Variants in MLLT10 observed in about 807,000 individuals in gnomAD.
MLLT10 encodes protein AF-10.
Under a neutral mutation model 129.1 loss-of-function variants are expected in MLLT10, and 30 were observed. The ratio of observed to expected loss-of-function variants is 0.23; its 90% CI spans 0.17 to 0.32. The LOEUF is 0.32. MLLT10 is among the 10% of genes least tolerant of loss of function. The pLI is 1.00. For missense variants in MLLT10, 1,119 were observed against 1,268.3 expected (o/e 0.88, Z 1.79); for synonymous variants, 490 against 446.4 (o/e 1.10, Z -1.23).
At chr10:21,685,890 T>G (rs1264191816) in intron 13 of MLLT10, among the ~76,000 whole-genome samples, 2 of 152,222 alleles carry the variant, frequency 1.3e-5, no homozygotes, top group African/African-American at 4.8e-5. Flanking sequence ...GCAAGCCTAT[T>G]AGATGATGAG....
At chr10:21,710,341 C>G (rs2055956911) in intron 13 of MLLT10, among the ~76,000 whole-genome samples, 1 of 152,142 alleles carries the variant, frequency 6.6e-6, no homozygotes, top group Non-Finnish European at 1.5e-5. Context: ...GGATTAAAGT[C>G]TCTATGCCCT....
chr10:21,576,368 G>A (rs1489622397), intron 3 of MLLT10, among the ~76,000 whole-genome samples: 1 of 149,610 alleles, frequency 6.7e-6, no homozygotes, highest in Non-Finnish European at 1.5e-5. Flanking sequence ...TCAGCCTCCC[G>A]AGTAGCTGGG....
At chr10:21,602,345 C>A (rs1367242247) in intron 5 of MLLT10, among the ~76,000 whole-genome samples, 2 of 151,186 alleles carry the variant, frequency 1.3e-5, no homozygotes, top group Admixed American at 1.3e-4. Context: ...CGTTATAGGT[C>A]AAATTTATTT....
chr10:21,600,474 A>G (rs2043419079), intron 5 of MLLT10, among the ~76,000 whole-genome samples: 2 of 152,154 alleles, frequency 1.3e-5, no homozygotes, highest in Admixed American at 1.3e-4. Flanking sequence ...TGTTCATGAA[A>G]CATATTACTC....
At chr10:21,671,809 C>G (rs2051437753) in intron 10 of MLLT10, among the ~76,000 whole-genome samples, 1 of 151,972 alleles carries the variant, frequency 6.6e-6, no homozygotes, top group Admixed American at 6.6e-5. Flanking sequence ...CAAAATTAGC[C>G]AGGCTTGGTG....
chr10:21,609,485 A>G (rs541876924), intron 5 of MLLT10, among the ~76,000 whole-genome samples: 1 of 152,070 alleles, frequency 6.6e-6, no homozygotes, highest in African/African-American at 2.4e-5. Flanking sequence ...ATGCATTTGT[A>G]TTTGGCTTAG....
rs564878245 is a variant in MLLT10 at position 21,728,044 on chromosome 10, TAAG to T, written c.2063+120_2063+122del. ...TGAGGCTATAAAAGCATTCTACAGA[TAAG>T]AAGCATGTCTAGACAAGAAAAATGA... On this transcript the variant is annotated intron_variant, in intron 16 of 22. Coordinates refer to ENST00000307729, the MANE Select transcript of MLLT10 (RefSeq NM_001195626.3). The T allele has an allele frequency of 3.0e-3, 2,177 of 717,016 alleles. 10 individuals are homozygous for T. Among genetic ancestry groups the T allele is most frequent in the Non-Finnish European group, 3.8e-3 (1,632 of 429,020 alleles). 44.4% of individuals were successfully genotyped at this position (717,016 alleles called of 1,614,324 possible).
rs147726589 is a variant in MLLT10 at position 21,740,220 on chromosome 10, C to G, written c.3146C>G (p.Ala1049Gly). The change falls in exon 22 of 23, where the codon GCA (alanine) becomes GGA (glycine). Residue 1049 changes from alanine to glycine, a missense_variant. Ala to Gly is a moderately conservative substitution (Grantham distance 60). This residue lies in a region of MLLT10 where 1,004 missense variants were observed against 1,008.7 expected (regional missense o/e 1.00). Transcript: ENST00000307729. ...NPFLTIHGDN[A>G]SQKVARLSDK... ...TTTCTCACCATCCATGGAGATAATG[C>G]AAGTCAGAAAGTAGCAGTAAGTATA... The G allele has an allele frequency of 4.3e-6, 7 of 1,613,940 alleles. No homozygotes were observed. The highest frequency in any genetic ancestry group is 5.1e-6 in the Non-Finnish European group (6 of 1,179,972).
chr10:21,542,902 G>C (rs935989565), intron 3 of MLLT10, among the ~76,000 whole-genome samples: 4 of 151,918 alleles, frequency 2.6e-5, no homozygotes, highest in African/African-American at 9.7e-5. Context: ...AGAAGTTTTT[G>C]CAGGGGGGCA....
intron 8 of MLLT10, chr10:21,625,962 G>A (rs1280149072): frequency 4.8e-6 from 4 of 826,724 alleles, no homozygotes; most frequent in Non-Finnish European, 8.7e-6. Context: ...CCAATTCTAG[G>A]TTGCACACCA....
At chr10:21,739,938 A>AG in intron 21 of MLLT10, 92 bp from the exon 22 acceptor site, 1 of 960,836 alleles carries the variant, frequency 1.0e-6, no homozygotes, top group Non-Finnish European at 1.5e-6. Flanking sequence ...GCAAATATCT[A>AG]ATATTAAAGG....
intron 5 of MLLT10, among the ~76,000 whole-genome samples, chr10:21,604,707 G>A (rs558073658): frequency 3.2e-4 from 48 of 152,270 alleles, no homozygotes; most frequent in African/African-American, 1.2e-3. Flanking sequence ...GAGATAAATT[G>A]GAAGGAGAAA....
rs907240526 is a variant in MLLT10 at position 21,536,129 on chromosome 10, CG to C, written c.160+1329del. On this transcript the variant is annotated intron_variant, in intron 2 of 22. Coordinates refer to ENST00000307729, the MANE Select transcript of MLLT10 (RefSeq NM_001195626.3). The stretch of plus-strand genomic sequence containing the variant: ...GCTAATTTGTATTTTTTAGTAGAGA[CG>C]GGGTTTCGCCATGTTGGCCAGGCTG... Among the ~76,000 whole-genome samples the C allele has an allele frequency of 3.3e-5, 5 of 152,102 alleles. 1 individual carries two copies. Among genetic ancestry groups the C allele is most frequent in the Middle Eastern group, 6.3e-3 (2 of 316 alleles).
rs369872132 is a variant in MLLT10 at position 21,612,315 on chromosome 10, A to G, written c.406-33A>G. 7 of 1,339,626 alleles carry G rather than the reference A, an allele frequency of 5.2e-6. No individual in the cohort carries two copies. In the South Asian group the frequency reaches 7.5e-5, roughly 14 times the overall value. 83.0% of individuals were successfully genotyped at this position (1,339,626 alleles called of 1,614,324 possible). On this transcript the variant is annotated intron_variant, in intron 5 of 22. Coordinates refer to ENST00000307729, the MANE Select transcript of MLLT10 (RefSeq NM_001195626.3). ...ATTCTGATTCATGTTAAGAACATGT[A>G]TGATTTTTGTCTTTTTTTTTTTTAA...
chr10:21,546,693 G>C lies in MLLT10; in HGVS notation c.240+7781G>C, dbSNP rs914571342. Among the ~76,000 whole-genome samples, 3 of 150,928 alleles carry C rather than the reference G, an allele frequency of 2.0e-5. No homozygotes were observed. In the South Asian group the frequency reaches 6.3e-4, roughly 32 times the overall value. On this transcript the variant is annotated intron_variant, in intron 3 of 22. Transcript: ENST00000307729. Reference sequence around the variant, plus strand: ...AGTGATTCTCCTCCCTCAGCCTCCCGAGTAGCTGGGCTTGCAGGTGCCCGC... The same window carrying C: ...AGTGATTCTCCTCCCTCAGCCTCCCCAGTAGCTGGGCTTGCAGGTGCCCGC...
chr10:21,726,184 G>T, intron 14 of MLLT10, 60 bp from the exon 15 acceptor site: 4 of 1,144,056 alleles, frequency 3.5e-6, no homozygotes, highest in Non-Finnish European at 3.8e-6. Context: ...TATTAGAAGG[G>T]AAAACTTTTA....
intron 6 of MLLT10, among the ~76,000 whole-genome samples, chr10:21,613,079 A>G (rs2044818220): frequency 6.6e-6 from 1 of 151,078 alleles, no homozygotes; most frequent in African/African-American, 2.4e-5. Flanking sequence ...CTGCAATCCT[A>G]GCTACTTGGA....
rs568856922 is a variant in MLLT10, at chr10:21,567,229, T to C, written c.241-19065T>C. On this transcript the variant is annotated intron_variant, in intron 3 of 22. Coordinates refer to ENST00000307729, the MANE Select transcript of MLLT10 (RefSeq NM_001195626.3). ...TTTAACTAGTGTTCTCTTACACTTA[T>C]CTAACAAGGGGAGAGTGTTGGTGCC... Among the ~76,000 whole-genome samples the C allele has an allele frequency of 1.0e-3, 153 of 152,376 alleles. No homozygotes were observed. In the Middle Eastern group the frequency reaches 0.01, roughly 10 times the overall value.
chr10:21,551,754 CT>C (rs762686460), intron 3 of MLLT10: 71,585 of 321,078 alleles, frequency 0.22, 1 homozygote, highest in South Asian at 0.35. Context: ...TGTGTTTAGA[CT>C]TTTTTTTTTT....
Sources: allele counts gnomAD v4.1 joint callset (sites outside exome capture counted in the v4.1 genomes callset), GRCh38; gene constraint gnomAD v4.1.1; regional missense constraint gnomAD v4.1.1; transcripts MANE v1.5; gene names NCBI Gene and HGNC (gene_info 2026-07-23, HGNC 2026-07-21).